PKIG: variants seen among roughly 807,000 people sequenced by gnomAD.
PKIG encodes the protein cAMP-dependent protein kinase inhibitor gamma, also known as protein kinase (cAMP-dependent, catalytic) inhibitor gamma.
In PKIG, 1 loss-of-function variant was observed where a neutral mutation model predicts 6.8. The ratio of observed to expected loss-of-function variants is 0.15; its 90% confidence interval spans 0.05 to 0.69. The LOEUF (loss-of-function observed/expected upper bound fraction) is 0.69. PKIG is among the 30% of genes least tolerant of loss of function. The probability of loss-of-function intolerance (pLI) is 0.82; values close to 1 mark genes in which losing one functional copy is unlikely to be tolerated. For missense variants in PKIG, 77 were observed against 104.0 expected, an observed-to-expected ratio of 0.74 and a Z score of 1.13; for synonymous variants, 39 against 43.0, an observed-to-expected ratio of 0.91 and a Z score of 0.36.
intron 1 of PKIG, 103 bp from the exon 2 acceptor site, chr20:44,589,694 C>T (rs1174689595): frequency 6.6e-6 from 1 of 152,208 alleles, no homozygotes. Context: ...GCACATTTAA[C>T]AAGTTAATAG....
chr20:44,607,063 G>C (rs1441627402), intron 2 of PKIG, among the ~76,000 whole-genome samples: 1 of 152,204 alleles, frequency 6.6e-6, no homozygotes, highest in Non-Finnish European at 1.5e-5. Flanking sequence ...ACTAACTTCT[G>C]TGGGGAGAAG....
intron 1 of PKIG, among the ~76,000 whole-genome samples, chr20:44,574,314 C>G (rs1398727551): frequency 6.6e-6 from 1 of 152,090 alleles, no homozygotes; most frequent in Non-Finnish European, 1.5e-5. Flanking sequence ...ATTTATCTCT[C>G]TATATCTAAA....
chr20:44,607,090 T>C (rs978584903), intron 2 of PKIG, among the ~76,000 whole-genome samples: 6 of 152,178 alleles, frequency 3.9e-5, no homozygotes, highest in Admixed American at 3.3e-4. Context: ...ATACCTGTTA[T>C]AATAAAAAAG....
chr20:44,536,747 A>T (rs867346860), intron 1 of PKIG, among the ~76,000 whole-genome samples: 1 of 152,346 alleles, frequency 6.6e-6, no homozygotes, highest in East Asian at 1.9e-4. Context: ...GCTCTTTCCA[A>T]CCATTCTTTA....
At chr20:44,567,999 A>T (rs2123275925) in intron 1 of PKIG, among the ~76,000 whole-genome samples, 1 of 152,250 alleles carries the variant, frequency 6.6e-6, no homozygotes. Context: ...ATACAAAATG[A>T]GCTAGGCATG....
At chr20:44,616,955 A>G (rs1013494673) in intron 3 of PKIG, among the ~76,000 whole-genome samples, 1 of 152,202 alleles carries the variant, frequency 6.6e-6, no homozygotes, top group African/African-American at 2.4e-5. Context: ...TCAGGCCTCT[A>G]TAAACCTTCA....
chr20:44,606,178 G>A (rs898288515), intron 2 of PKIG, among the ~76,000 whole-genome samples: 1 of 152,052 alleles, frequency 6.6e-6, no homozygotes, highest in African/African-American at 2.4e-5. Flanking sequence ...ATAAGAAAAA[G>A]ACCTAAAATC....
At chr20:44,572,137 G>A (rs764950620) in intron 1 of PKIG, among the ~76,000 whole-genome samples, 19 of 152,134 alleles carry the variant, frequency 1.2e-4, no homozygotes, top group Non-Finnish European at 2.1e-4. Flanking sequence ...CCCAGTAGCC[G>A]GGATTACAGG....
intron 2 of PKIG, among the ~76,000 whole-genome samples, chr20:44,605,038 G>T (rs542486382): frequency 9.2e-5 from 14 of 152,176 alleles, no homozygotes; most frequent in African/African-American, 2.9e-4. Flanking sequence ...AAAAAGATTT[G>T]AGCTATGAGA....
At chr20:44,555,606 A>G (rs951827310) in intron 1 of PKIG, among the ~76,000 whole-genome samples, 4 of 152,202 alleles carry the variant, frequency 2.6e-5, no homozygotes, top group Non-Finnish European at 5.9e-5. Context: ...TGAGGATTTC[A>G]TCTGAAAAGC....
intron 1 of PKIG, among the ~76,000 whole-genome samples, chr20:44,540,853 A>G (rs1053938757): frequency 1.3e-5 from 2 of 152,170 alleles, no homozygotes; most frequent in African/African-American, 4.8e-5. Flanking sequence ...AAGTACTGGG[A>G]TTACAGGCAT....
chr20:44,613,325 C>T (rs2065235915), intron 2 of PKIG, among the ~76,000 whole-genome samples: 1 of 152,080 alleles, frequency 6.6e-6, no homozygotes, highest in Admixed American at 6.5e-5. Context: ...GCCACCACGC[C>T]CGGCTAATTT....
At chr20:44,598,444 C>A (rs2123416437) in intron 2 of PKIG, among the ~76,000 whole-genome samples, 1 of 152,290 alleles carries the variant, frequency 6.6e-6, no homozygotes, top group South Asian at 2.1e-4. Flanking sequence ...ACAGAGATAC[C>A]CAGTTTCCCC....
chr20:44,559,924 G>A (rs1410525500), intron 1 of PKIG, among the ~76,000 whole-genome samples: 6 of 152,080 alleles, frequency 3.9e-5, no homozygotes, highest in African/African-American at 7.2e-5. Flanking sequence ...TTGATGTAGC[G>A]CCGGGCATGG....
intron 1 of PKIG, among the ~76,000 whole-genome samples, chr20:44,568,546 T>C (rs887267279): frequency 6.6e-6 from 1 of 151,876 alleles, no homozygotes; most frequent in African/African-American, 2.4e-5. Flanking sequence ...TGCCGCCTGG[T>C]TTCAAGTGAT....
At chr20:44,611,081 C>T (rs1431534703) in intron 2 of PKIG, among the ~76,000 whole-genome samples, 1 of 136,022 alleles carries the variant, frequency 7.4e-6, no homozygotes, top group African/African-American at 2.9e-5. Flanking sequence ...GAGACGGAGT[C>T]TCGCTCTGTC....
intron 1 of PKIG, among the ~76,000 whole-genome samples, chr20:44,572,709 T>A (rs2064864276): frequency 6.6e-6 from 1 of 152,152 alleles, no homozygotes; most frequent in Non-Finnish European, 1.5e-5. Context: ...CTCTTCTCCC[T>A]AACTGCTGCT....
At chr20:44,575,226 T>G (rs2064886515) in intron 1 of PKIG, among the ~76,000 whole-genome samples, 2 of 152,160 alleles carry the variant, frequency 1.3e-5, no homozygotes, top group South Asian at 4.2e-4. Context: ...CTAATTTTTG[T>G]ATTTTTATTT....
intron 1 of PKIG, among the ~76,000 whole-genome samples, chr20:44,561,076 G>A (rs371987529): frequency 8.5e-5 from 13 of 152,218 alleles, no homozygotes; most frequent in Non-Finnish European, 7.3e-5. Context: ...GATGGCTCAC[G>A]CCTGTAATCC....
Sources: allele counts gnomAD v4.1 joint callset (sites outside exome capture counted in the v4.1 genomes callset), GRCh38; gene constraint gnomAD v4.1.1; transcripts MANE v1.5; gene names NCBI Gene and HGNC (gene_info 2026-07-23, HGNC 2026-07-21).